Variants in RNF170 observed in about 807,000 individuals in gnomAD.
RNF170 encodes E3 ubiquitin-protein ligase RNF170.
In RNF170, 12 loss-of-function variants were observed where a neutral mutation model predicts 32.7. That is an observed-to-expected ratio of 0.37 (90% CI 0.24 to 0.60). The LOEUF (loss-of-function observed/expected upper bound fraction) is 0.60, where lower values mean the gene tolerates loss of function less well. Ranked by LOEUF, RNF170 falls within the 20% of genes least tolerant of loss-of-function variation. RNF170 has a pLI of 0.72. For missense variants in RNF170, 212 were observed against 311.2 expected, an observed-to-expected ratio of 0.68 and a Z score of 2.40; for synonymous variants, 91 against 103.6, an observed-to-expected ratio of 0.88 and a Z score of 0.74.
In RNF170 at chr8:42,855,952, T is replaced by G. The variant is rs1171245728; in HGVS notation, c.*207A>C. The G allele has an allele frequency of 7.3e-7, 1 of 1,375,594 alleles. No homozygotes were observed. The highest frequency in any genetic ancestry group is 1.4e-5 in the African/African-American group (1 of 69,318). The allele number at this position is 1,375,594 out of a possible 1,614,324, so 85.2% of individuals were successfully genotyped here. ...AGATACAACTGTAGATCATTATAATTCTAAACTTAATATTAGAACTTCAAA... is the reference window on the plus strand; with the variant it reads ...AGATACAACTGTAGATCATTATAATGCTAAACTTAATATTAGAACTTCAAA... On this transcript the variant is annotated 3_prime_UTR_variant, in exon 7 of 7. Transcript: ENST00000527424.
At chr8:42,881,022 T>C (rs996420113) in intron 2 of RNF170, among the ~76,000 whole-genome samples, 4 of 152,234 alleles carry the variant, frequency 2.6e-5, no homozygotes, top group Non-Finnish European at 5.9e-5. Context: ...TTATATGCAC[T>C]AGGGAACCAA....
chr8:42,894,609 G>C (rs1023465874), intron 1 of RNF170, among the ~76,000 whole-genome samples: 7 of 152,170 alleles, frequency 4.6e-5, no homozygotes, highest in Non-Finnish European at 4.4e-5. Context: ...TCTGTCGTCA[G>C]GATGGAGTGC....
intron 1 of RNF170, among the ~76,000 whole-genome samples, chr8:42,893,559 G>A (rs374590035): frequency 3.9e-5 from 6 of 152,302 alleles, no homozygotes; most frequent in South Asian, 4.1e-4. Context: ...TTTTTGGGGC[G>A]GGTGTGGCAG....
intron 4 of RNF170, among the ~76,000 whole-genome samples, chr8:42,869,296 T>C (rs376439624): frequency 6.6e-6 from 1 of 152,192 alleles, no homozygotes; most frequent in Non-Finnish European, 1.5e-5. Flanking sequence ...TACATAGGCA[T>C]GTAATAACTG....
rs1266163807 is a variant in RNF170 at position 42,853,858 on chromosome 8, A to T, written c.*2301T>A. 1.6e-6 allele frequency: 2 copies of T among 1,286,630 alleles called. No individual in the cohort carries two copies. Among genetic ancestry groups the T allele is most frequent in the Admixed American group, 4.6e-5 (2 of 43,528 alleles). The allele number at this position is 1,286,630 out of a possible 1,614,324, so 79.7% of individuals were successfully genotyped here. A position where few individuals can be genotyped will look rare whatever the true frequency, so the allele number is the denominator to read the frequency against. ...CATTTAGTATTTTTTTATGTTACAA[A>T]ATTTGGTACAATACACCTCTTTCAG... On this transcript the variant is annotated 3_prime_UTR_variant, in exon 7 of 7. Coordinates refer to ENST00000527424, the MANE Select transcript of RNF170 (RefSeq NM_030954.4).
chr8:42,873,873 A>T (rs1314654277), intron 3 of RNF170, 58 bp downstream of exon 3: 1 of 957,544 alleles, frequency 1.0e-6, no homozygotes, highest in East Asian at 2.4e-5. Context: ...TTTTATCACA[A>T]TTTCACATGC....
At chr8:42,856,462 C>T (rs2128922929) in intron 6 of RNF170, 34 bp from the exon 7 acceptor site, 2 of 1,440,804 alleles carry the variant, frequency 1.4e-6, no homozygotes, top group Non-Finnish European at 1.9e-6. Context: ...TATGATTCAG[C>T]ACCTAATGTG....
rs1263368188 is a variant in RNF170, at chr8:42,853,438, A to G, written c.*2721T>C. 1.6e-6 allele frequency: 2 copies of G among 1,287,060 alleles called. No individual in the cohort carries two copies. Among genetic ancestry groups the G allele is most frequent in the African/African-American group, 3.0e-5 (2 of 65,774 alleles). The allele number at this position is 1,287,060 out of a possible 1,614,324, so 79.7% of individuals were successfully genotyped here. A position where few individuals can be genotyped will look rare whatever the true frequency, so the allele number is the denominator to read the frequency against. Reference sequence around the variant, plus strand: ...CTGCATAGCCACAAGGGATCCACATAGTCCTTTCTTCCCTTGTACCTCTCA... The same window carrying G: ...CTGCATAGCCACAAGGGATCCACATGGTCCTTTCTTCCCTTGTACCTCTCA... On this transcript the variant is annotated 3_prime_UTR_variant, in exon 7 of 7. Transcript: ENST00000527424.
intron 4 of RNF170, among the ~76,000 whole-genome samples, chr8:42,869,542 CTT>C (rs1173140648): frequency 6.6e-6 from 1 of 152,170 alleles, no homozygotes; most frequent in Non-Finnish European, 1.5e-5. Flanking sequence ...ACCTTTAAGA[CTT>C]TTAGTACAAA....
At chr8:42,872,037 G>A (rs969571337) in intron 3 of RNF170, among the ~76,000 whole-genome samples, 2 of 152,320 alleles carry the variant, frequency 1.3e-5, no homozygotes, top group Non-Finnish European at 2.9e-5. Context: ...ATTTCAGATT[G>A]TGTTTAATTT....
At chr8:42,863,370 A>G (rs567218702) in intron 5 of RNF170, among the ~76,000 whole-genome samples, 1 of 152,064 alleles carries the variant, frequency 6.6e-6, no homozygotes, top group African/African-American at 2.4e-5. Flanking sequence ...TGTAAGACCT[A>G]CTCCCTAGTT....
rs1010454358 is a variant in RNF170 at position 42,854,153 on chromosome 8, G to A, written c.*2006C>T. The A allele has an allele frequency of 3.1e-6, 4 of 1,287,228 alleles. No individual in the cohort carries two copies. The highest frequency in any genetic ancestry group is 5.5e-5 in the East Asian group (1 of 18,028). 79.7% of individuals were successfully genotyped at this position (1,287,228 alleles called of 1,614,324 possible). ...CCTTTTACCTATTTGATTTGGAAGT[G>A]TAGAATTCGGATTCATGTCATCTCC... is the stretch of plus-strand genomic sequence containing the variant. On this transcript the variant is annotated 3_prime_UTR_variant, in exon 7 of 7. Transcript: ENST00000527424.
intron 2 of RNF170, among the ~76,000 whole-genome samples, chr8:42,874,982 A>C (rs1373001032): frequency 6.6e-6 from 1 of 151,510 alleles, no homozygotes; most frequent in Non-Finnish European, 1.5e-5. Context: ...GACCAGCCTG[A>C]CCAACATGGA....
chr8:42,854,859 C>A lies in RNF170; in HGVS notation c.*1300G>T. The A allele has an allele frequency of 4.7e-6, 6 of 1,287,260 alleles. No homozygotes were observed. The highest frequency in any genetic ancestry group is 1.5e-5 in the African/African-American group (1 of 65,908). 79.7% of individuals were successfully genotyped at this position (1,287,260 alleles called of 1,614,324 possible). A position where few individuals can be genotyped will look rare whatever the true frequency, so the allele number is the denominator to read the frequency against. On this transcript the variant is annotated 3_prime_UTR_variant, in exon 7 of 7. Coordinates refer to ENST00000527424, the MANE Select transcript of RNF170 (RefSeq NM_030954.4). ...ATGTGGTACTGAGTCTTCTCAGATA[C>A]ATTCACTTGTTTGGCTCAAGACATG...
chr8:42,880,125 C>T (rs1215072039), intron 2 of RNF170, among the ~76,000 whole-genome samples: 2 of 152,178 alleles, frequency 1.3e-5, no homozygotes, highest in African/African-American at 2.4e-5. Context: ...AGCAAGGAAA[C>T]TAGAATTAGA....
chr8:42,856,564 T>A, intron 6 of RNF170, 136 bp from the exon 7 acceptor site: 1 of 653,030 alleles, frequency 1.5e-6, no homozygotes, highest in Non-Finnish European at 2.6e-6. Context: ...TATTTTCTAA[T>A]TATGTGTTGT....
chr8:42,866,801 G>C (rs1232096512), intron 4 of RNF170, among the ~76,000 whole-genome samples: 1 of 152,298 alleles, frequency 6.6e-6, no homozygotes, highest in South Asian at 2.1e-4. Flanking sequence ...AGAAGGCACG[G>C]GTGTGCCAAG....
intron 1 of RNF170, among the ~76,000 whole-genome samples, chr8:42,894,286 G>A (rs990582277): frequency 5.3e-5 from 8 of 152,126 alleles, no homozygotes; most frequent in African/African-American, 1.9e-4. Flanking sequence ...CTTGAAAACC[G>A]GGGCCACTGG....
Position 42,896,091 on chromosome 8 carries a change from G to T in RNF170, c.-8+393C>A, listed in dbSNP as rs569591408. The T allele has an allele frequency of 2.5e-3, 524 of 211,746 alleles. 3 individuals carry two copies. The highest frequency in any genetic ancestry group is 9.4e-3 in the Middle Eastern group (20 of 2,124). The allele number at this position is 211,746 out of a possible 1,614,324, so 13.1% of individuals were successfully genotyped here. ...AGAACGATCCGCCTCGCCATTAAGC[G>T]AAGGCAACTCCGAACGCTGAGAAAC... On this transcript the variant is annotated intron_variant, in intron 1 of 6. Coordinates refer to ENST00000527424, the MANE Select transcript of RNF170 (RefSeq NM_030954.4).
Sources: gnomAD v4.1 joint callset for allele counts (sites outside exome capture counted in the v4.1 genomes callset) on GRCh38, gnomAD v4.1.1 for gene constraint, MANE v1.5 for transcripts, NCBI Gene and HGNC (gene_info 2026-07-23, HGNC 2026-07-21) for gene names.